PPP1R16B: variants seen among roughly 807,000 people sequenced by gnomAD.
PPP1R16B encodes the protein protein phosphatase 1 regulatory inhibitor subunit 16B.
PPP1R16B carries 14 observed loss-of-function variants against 61.7 expected under a neutral mutation model. The observed-to-expected ratio is 0.23, with a 90% CI of 0.15 to 0.35. The LOEUF (loss-of-function observed/expected upper bound fraction) is 0.35, where lower values mean the gene tolerates loss of function less well. Ranked by LOEUF, PPP1R16B falls within the 10% of genes least tolerant of loss-of-function variation. The pLI, the probability that PPP1R16B is intolerant of heterozygous loss-of-function variation, is 1.00. For missense variants in PPP1R16B, 547 were observed against 752.5 expected (o/e 0.73, Z 3.19); for synonymous variants, 266 against 305.3 (o/e 0.87, Z 1.34).
intron 2 of PPP1R16B, among the ~76,000 whole-genome samples, chr20:38,877,531 C>T (rs377141508): frequency 1.1e-3 from 163 of 152,132 alleles, no homozygotes; most frequent in African/African-American, 3.6e-3. Flanking sequence ...AGGCTGATCT[C>T]GAAATCCTGA....
intron 2 of PPP1R16B, among the ~76,000 whole-genome samples, chr20:38,855,982 A>AGAGAGAGAGAGAAGG (rs1449393855): frequency 2.4e-5 from 1 of 41,564 alleles, no homozygotes; most frequent in Non-Finnish European, 3.9e-5. Flanking sequence ...AGAGAGAGAG[A>AGAGAGAGAGAGAAGG]AGGAGGAGGA....
At chr20:38,897,652 A>G (rs1039874434) in intron 4 of PPP1R16B, among the ~76,000 whole-genome samples, 10 of 152,178 alleles carry the variant, frequency 6.6e-5, no homozygotes, top group African/African-American at 2.2e-4. Context: ...TGGTAATGCT[A>G]TTTTAAATTT....
At chr20:38,864,519 A>G (rs1013967300) in intron 2 of PPP1R16B, among the ~76,000 whole-genome samples, 2 of 152,206 alleles carry the variant, frequency 1.3e-5, no homozygotes, top group Non-Finnish European at 2.9e-5. Context: ...TTGTGGAAAC[A>G]GAAGCACAGA....
chr20:38,844,166 G>GAGTTAC lies in PPP1R16B; in HGVS notation c.250+7993_250+7998dup, dbSNP rs536445272. ...ATCTGTTAGAAAATATTGGTTCACTGAGTTACACAGATCTTCCAAATGTTG... is the reference window on the plus strand; with the variant it reads ...ATCTGTTAGAAAATATTGGTTCACTGAGTTACAGTTACACAGATCTTCCAAATGTTG... On this transcript the variant is annotated intron_variant, in intron 2 of 10. Coordinates refer to ENST00000299824, the MANE Select transcript of PPP1R16B (RefSeq NM_015568.4). Among the ~76,000 whole-genome samples, 163 of 152,200 alleles carry GAGTTAC rather than the reference G, an allele frequency of 1.1e-3. 1 individual carries two copies. Among genetic ancestry groups the GAGTTAC allele is most frequent in the Admixed American group, 2.8e-3 (43 of 15,284 alleles).
chr20:38,869,926 A>G (rs1016937447), intron 2 of PPP1R16B, among the ~76,000 whole-genome samples: 1 of 145,696 alleles, frequency 6.9e-6, no homozygotes, highest in African/African-American at 2.5e-5. Flanking sequence ...TTATTTATTT[A>G]TTTTTTTTTT....
chr20:38,879,657 A>C (rs946805937), intron 2 of PPP1R16B, among the ~76,000 whole-genome samples: 1 of 152,238 alleles, frequency 6.6e-6, no homozygotes, highest in African/African-American at 2.4e-5. Context: ...AGTTGCCCGC[A>C]TAGAGCTTAT....
At chr20:38,871,240 G>A (rs1192246204) in intron 2 of PPP1R16B, among the ~76,000 whole-genome samples, 3 of 152,018 alleles carry the variant, frequency 2.0e-5, no homozygotes, top group East Asian at 1.9e-4. Flanking sequence ...CATGAACCCC[G>A]TATGCAAGAA....
intron 2 of PPP1R16B, among the ~76,000 whole-genome samples, chr20:38,872,065 C>G (rs953251396): frequency 2.6e-5 from 4 of 152,170 alleles, no homozygotes; most frequent in African/African-American, 7.2e-5. Flanking sequence ...TTCAAGTGCT[C>G]CCCAGCCCTG....
chr20:38,880,937 C>T (rs2085199256), intron 2 of PPP1R16B, among the ~76,000 whole-genome samples: 1 of 152,168 alleles, frequency 6.6e-6, no homozygotes, highest in Non-Finnish European at 1.5e-5. Context: ...CAGCAGGGCC[C>T]GAGGGCTCTG....
chr20:38,906,766 T>C (rs529884897), intron 7 of PPP1R16B, among the ~76,000 whole-genome samples: 8 of 152,282 alleles, frequency 5.3e-5, no homozygotes, highest in Admixed American at 3.9e-4. Flanking sequence ...TTCTCCTTCT[T>C]CTTGGTGTGG....
intron 2 of PPP1R16B, among the ~76,000 whole-genome samples, chr20:38,885,798 CAG>C (rs1480223405): frequency 6.6e-6 from 1 of 152,154 alleles, no homozygotes; most frequent in Non-Finnish European, 1.5e-5. Context: ...TTTTTTGAGA[CAG>C]AGTCTTGCTC....
chr20:38,906,090 G>T lies in PPP1R16B; in HGVS notation c.818G>T (p.Gly273Val), dbSNP rs2085439442. 6.2e-7 allele frequency: 1 copy of T among 1,612,446 alleles called. No individual in the cohort carries two copies. Among genetic ancestry groups the T allele is most frequent in the African/African-American group, 1.3e-5 (1 of 74,892 alleles). The change falls in exon 7 of 11, where the codon GGA (glycine) becomes GTA (valine). Residue 273 changes from glycine (G) to valine (V), a missense_variant. Transcript: ENST00000299824. ...WEPLHAAAFW[G>V]QMQMAELLVS... ...CCCCTGCATGCAGCTGCCTTCTGGGGACAGGTAGTTCTCACCCACAGGGCT... is the reference window on the plus strand; with the variant it reads ...CCCCTGCATGCAGCTGCCTTCTGGGTACAGGTAGTTCTCACCCACAGGGCT...
intron 2 of PPP1R16B, among the ~76,000 whole-genome samples, chr20:38,855,982 A>AGG (rs1449393855): frequency 2.4e-5 from 1 of 41,566 alleles, no homozygotes; most frequent in African/African-American, 1.5e-4. Context: ...AGAGAGAGAG[A>AGG]AGGAGGAGGA....
At chr20:38,809,258 G>A (rs1053368923) in intron 1 of PPP1R16B, among the ~76,000 whole-genome samples, 2 of 151,710 alleles carry the variant, frequency 1.3e-5, no homozygotes, top group African/African-American at 4.8e-5. Flanking sequence ...GCGGGGGTGG[G>A]GGCTCACTCC....
chr20:38,853,716 C>G (rs190669750), intron 2 of PPP1R16B, among the ~76,000 whole-genome samples: 1 of 152,226 alleles, frequency 6.6e-6, no homozygotes, highest in Non-Finnish European at 1.5e-5. Flanking sequence ...ACTCTTTCTG[C>G]TGGTCTTCCC....
intron 10 of PPP1R16B, among the ~76,000 whole-genome samples, chr20:38,909,596 T>C (rs1031472145): frequency 6.6e-6 from 1 of 152,204 alleles, no homozygotes; most frequent in African/African-American, 2.4e-5. Context: ...ATTTTCGTTC[T>C]TCCACTACAC....
chr20:38,878,228 T>A (rs1349565191), intron 2 of PPP1R16B, among the ~76,000 whole-genome samples: 2 of 152,306 alleles, frequency 1.3e-5, no homozygotes, highest in Non-Finnish European at 2.9e-5. Flanking sequence ...GAAATCTTGT[T>A]TTATTTCCCC....
rs1375175899 is a variant in PPP1R16B, at chr20:38,806,013, G to C, written c.-102+221G>C. 2.0e-5 allele frequency among the ~76,000 whole-genome samples: 3 copies of C among 151,880 alleles called. No individual in the cohort carries two copies. The highest frequency in any genetic ancestry group is 7.3e-5 in the African/African-American group (3 of 41,374). On this transcript the variant is annotated intron_variant, in intron 1 of 10. Coordinates refer to ENST00000299824, the MANE Select transcript of PPP1R16B (RefSeq NM_015568.4). The surrounding 1 kb of genome is among the most constrained non-coding windows in gnomAD (Gnocchi z 4.5). ...CCGGGAGTCGGGCTGGAATGGGGGC[G>C]TTCTCCCCGGCCTCGCAATTCCTTG...
intron 2 of PPP1R16B, among the ~76,000 whole-genome samples, chr20:38,861,915 T>C (rs918498541): frequency 6.6e-6 from 1 of 152,130 alleles, no homozygotes; most frequent in Non-Finnish European, 1.5e-5. Context: ...CAGCTTATGA[T>C]CCACCCACCT....
Sources: allele counts gnomAD v4.1 joint callset (sites outside exome capture counted in the v4.1 genomes callset), GRCh38; gene constraint gnomAD v4.1.1; non-coding constraint Gnocchi (gnomAD v3.1); transcripts MANE v1.5; gene names NCBI Gene and HGNC (gene_info 2026-07-23, HGNC 2026-07-21).